Variants in CPT1C observed in about 807,000 individuals in gnomAD.
CPT1C encodes the protein palmitoyl thioesterase CPT1C.
In CPT1C, 61 loss-of-function variants were observed where a neutral mutation model predicts 97.3. The observed-to-expected ratio is 0.63, with a 90% confidence interval of 0.51 to 0.78. The LOEUF is 0.78. Ranked by LOEUF, CPT1C falls within the 30% of genes least tolerant of loss-of-function variation. CPT1C has a pLI of 0.00. For synonymous variants in CPT1C, 469 were observed against 447.2 expected, an observed-to-expected ratio of 1.05 and a Z score of -0.61; for missense variants, 975 against 1,065.5, an observed-to-expected ratio of 0.92 and a Z score of 1.18.
chr19:49,711,176 C>T (rs925031666), intron 16 of CPT1C: 3 of 183,342 alleles, frequency 1.6e-5, no homozygotes, highest in African/African-American at 7.1e-5. Flanking sequence ...TTACTGCAAC[C>T]TCTGCCTCTC....
intron 4 of CPT1C, among the ~76,000 whole-genome samples, chr19:49,700,173 G>A (rs2082920835): frequency 6.6e-6 from 1 of 151,676 alleles, no homozygotes; most frequent in Non-Finnish European, 1.5e-5. Flanking sequence ...CGTGAACCCA[G>A]GAGGCGGAGC....
Position 49,704,708 on chromosome 19 carries a change from A to G in CPT1C, c.694-2A>G. ...CTGTGTGTCTCCCCACCCCGCTCCC[A>G]GGTCAGTGACTGGTGGGAGGAATTT... On this transcript the variant is annotated splice_acceptor_variant, in intron 7 of 19. Transcript: ENST00000598293. LOFTEE classifies it high-confidence loss of function. The G allele has an allele frequency of 6.2e-7, 1 of 1,612,598 alleles. No individual in the cohort carries two copies. The highest frequency in any genetic ancestry group is 8.5e-7 in the Non-Finnish European group (1 of 1,179,452).
At position 49,713,071 on chromosome 19, in the gene CPT1C, C is replaced by T. The variant is rs767565077; in HGVS notation, c.2226+7C>T. 1.7e-5 allele frequency: 28 copies of T among 1,609,232 alleles called. No individual in the cohort carries two copies. Among genetic ancestry groups the T allele is most frequent in the Non-Finnish European group, 2.3e-5 (27 of 1,175,714 alleles). On this transcript the variant is annotated splice_region_variant and intron_variant, in intron 19 of 19. Transcript: ENST00000598293. ...AAAATCAAGCACAAAAACGGTGAGACAAACGTGTATACCCACCAACTCCCT... is the reference window on the plus strand; with the variant it reads ...AAAATCAAGCACAAAAACGGTGAGATAAACGTGTATACCCACCAACTCCCT...
chr19:49,712,730 C>T lies in CPT1C; in HGVS notation c.2020-6C>T. Reference sequence around the variant, plus strand: ...TCCTGCACATGTGATGGGCTCCTGTCCTCAGGTCCATTCGGAGCAGTGGCA... The same window carrying T: ...TCCTGCACATGTGATGGGCTCCTGTTCTCAGGTCCATTCGGAGCAGTGGCA... On this transcript the variant is annotated splice_polypyrimidine_tract_variant and splice_region_variant and intron_variant, in intron 17 of 19. Coordinates refer to ENST00000598293, the MANE Select transcript of CPT1C (RefSeq NM_001199753.2). The T allele has an allele frequency of 6.2e-7, 1 of 1,607,906 alleles. No homozygotes were observed. The highest frequency in any genetic ancestry group is 1.1e-5 in the South Asian group (1 of 90,954).
At chr19:49,712,653 C>A in intron 17 of CPT1C, 83 bp from the exon 18 acceptor site, 1 of 1,029,648 alleles carries the variant, frequency 9.7e-7, no homozygotes, top group Non-Finnish European at 1.5e-6. Context: ...AAAAAAAAAG[C>A]CAGGGATGCA....
chr19:49,692,385 C>G lies in CPT1C; in HGVS notation c.133C>G (p.Arg45Gly). 1 of 1,614,138 alleles carries G rather than the reference C, an allele frequency of 6.2e-7. No homozygotes were observed. The change falls in exon 3 of 20, where the codon CGT becomes GGT. Residue 45 changes from arginine to glycine, a missense_variant. By Grantham distance (125) the Arg-to-Gly change is moderately radical. This residue lies in a region of CPT1C where 596 missense variants were observed against 603.1 expected (regional missense o/e 0.99). Coordinates refer to ENST00000598293, the MANE Select transcript of CPT1C (RefSeq NM_001199753.2). ...GLRSWKRHLS[R>G]FWNDFLTGVF... The stretch of plus-strand genomic sequence containing the variant: ...GCGCTCCTGGAAAAGGCATCTCTCA[C>G]GTTTCTGGGTGAGGAGCGGTGCTGG...
chr19:49,701,331 C>A lies in CPT1C; in HGVS notation c.468C>A (p.Ile156=). 2 of 1,613,152 alleles carry A rather than the reference C, an allele frequency of 1.2e-6. No homozygotes were observed. Among genetic ancestry groups the A allele is most frequent in the Non-Finnish European group, 1.7e-6 (2 of 1,179,804 alleles). The change falls in exon 6 of 20, where the codon ATC becomes ATA. Residue 156 remains isoleucine, a synonymous_variant. Coordinates refer to ENST00000598293, the MANE Select transcript of CPT1C (RefSeq NM_001199753.2). ...PTKTWLALVR[I]FSGRHPMLFS... ...CTCCTCCCCAGGCCCTGGTCCGCATCTTCTCTGGCCGCCACCCGATGCTGT... is the reference window on the plus strand; with the variant it reads ...CTCCTCCCCAGGCCCTGGTCCGCATATTCTCTGGCCGCCACCCGATGCTGT...
At chr19:49,710,141 C>T (rs957009519) in intron 14 of CPT1C, among the ~76,000 whole-genome samples, 179 bp from the exon 15 acceptor site, 3 of 152,190 alleles carry the variant, frequency 2.0e-5, no homozygotes, top group Non-Finnish European at 2.9e-5. Flanking sequence ...CGCCACCACG[C>T]CCAGCCCCTA....
At position 49,705,299 on chromosome 19, in the gene CPT1C, G is replaced by T. The variant is rs1314376800; in HGVS notation, c.964+1G>T. The T allele has an allele frequency of 1.3e-6, 2 of 1,593,494 alleles. No individual in the cohort carries two copies. Among genetic ancestry groups the T allele is most frequent in the Non-Finnish European group, 8.6e-7 (1 of 1,165,386 alleles). On this transcript the variant is annotated splice_donor_variant, in intron 10 of 19. Coordinates refer to ENST00000598293, the MANE Select transcript of CPT1C (RefSeq NM_001199753.2). LOFTEE classifies it high-confidence loss of function. ...ACGCGGATTCCAGGGGTCCAAAAAGGTGAGACCCTCTCCTGTCCCCACTGA... is the reference window on the plus strand; with the variant it reads ...ACGCGGATTCCAGGGGTCCAAAAAGTTGAGACCCTCTCCTGTCCCCACTGA...
Position 49,713,500 on chromosome 19 carries a change from G to C in CPT1C, c.2307G>C (p.Lys769Asn). The change falls in exon 20 of 20, where the codon AAG becomes AAC. Residue 769 changes from lysine (K) to asparagine (N), a missense_variant. This residue lies in a region of CPT1C where 344 missense variants were observed against 395.7 expected (regional missense o/e 0.87). Transcript: ENST00000598293. ...TGTTCCAGGCGGGACAGCATTTTAAGCGCCGGTTCAGAGGGTCAGGGAAGG... is the reference window on the plus strand; with the variant it reads ...TGTTCCAGGCGGGACAGCATTTTAACCGCCGGTTCAGAGGGTCAGGGAAGG... ...ASLFQAGQHF[K>N]RRFRGSGKEN... The C allele has an allele frequency of 6.2e-7, 1 of 1,614,232 alleles. No homozygotes were observed. Among genetic ancestry groups the C allele is most frequent in the Non-Finnish European group, 8.5e-7 (1 of 1,180,048 alleles).
chr19:49,707,488 T>TTGG, intron 12 of CPT1C, 30 bp from the exon 13 acceptor site: 1 of 1,552,424 alleles, frequency 6.4e-7, no homozygotes, highest in Non-Finnish European at 8.9e-7. Flanking sequence ...CCCCTCGCTC[T>TTGG]TGGTGACCCA....
At position 49,706,835 on chromosome 19, in the gene CPT1C, A is replaced by T. The variant is rs1383807467; in HGVS notation, c.1343+422A>T. 6.6e-6 allele frequency among the ~76,000 whole-genome samples: 1 copy of T among 152,024 alleles called. No homozygotes were observed. The highest frequency in any genetic ancestry group is 1.5e-5 in the Non-Finnish European group (1 of 67,994). On this transcript the variant is annotated intron_variant, in intron 12 of 19. Coordinates refer to ENST00000598293, the MANE Select transcript of CPT1C (RefSeq NM_001199753.2). The surrounding 1 kb of genome is among the most constrained non-coding windows in gnomAD (Gnocchi z 4.8). ...CTCAGGCCTTAATGCAGGCACCCCAAATCCATGGCCCTAGACCCAGACTTC... is the reference window on the plus strand; with the variant it reads ...CTCAGGCCTTAATGCAGGCACCCCATATCCATGGCCCTAGACCCAGACTTC...
At chr19:49,707,699 G>A in intron 13 of CPT1C, 76 bp downstream of exon 13, 2 of 974,562 alleles carry the variant, frequency 2.1e-6, no homozygotes, top group Non-Finnish European at 3.1e-6. Context: ...GCGCCTTAGT[G>A]TCAGAAGAAA....
In CPT1C at chr19:49,707,634, C is replaced by T. The variant is rs761075495; in HGVS notation, c.1449+11C>T. The T allele has an allele frequency of 6.3e-7, 1 of 1,589,114 alleles. No homozygotes were observed. The highest frequency in any genetic ancestry group is 8.6e-7 in the Non-Finnish European group (1 of 1,162,202). ...GGACACATGTGGGAGGTAGGGCGGCCAGCCCTCCCTGGTTCTGGGGACCCC... is the reference window on the plus strand; with the variant it reads ...GGACACATGTGGGAGGTAGGGCGGCTAGCCCTCCCTGGTTCTGGGGACCCC... On this transcript the variant is annotated intron_variant, in intron 13 of 19. Transcript: ENST00000598293.
chr19:49,701,992 A>AAATATATTTAT (rs1568520679), intron 7 of CPT1C, among the ~76,000 whole-genome samples: 4 of 37,906 alleles, frequency 1.1e-4, no homozygotes, highest in African/African-American at 3.1e-4. Flanking sequence ...ATATATAAAT[A>AAATATATTTAT]TTATAAATAT....
intron 4 of CPT1C, among the ~76,000 whole-genome samples, chr19:49,698,488 C>A (rs957639804): frequency 4.7e-4 from 71 of 151,616 alleles, no homozygotes; most frequent in African/African-American, 1.6e-3. Context: ...CATAGTGAAA[C>A]CCCGTCTCTA....
intron 4 of CPT1C, 187 bp downstream of exon 4, chr19:49,697,652 C>A: frequency 1.6e-6 from 1 of 606,390 alleles, no homozygotes; most frequent in Non-Finnish European, 2.7e-6. Flanking sequence ...CCCCTGTAAT[C>A]CCAGCACATT....
Position 49,708,813 on chromosome 19 carries a change from C to T in CPT1C, c.1540C>T (p.Arg514Trp), listed in dbSNP as rs779171628. The part of the protein sequence containing the change: ...HPDPTLPQPQ[R>W]LQWDLPDQIH... ...GGACCCCACACTACCCCAGCCCCAGCGGCTGCAATGGGACCTTCCAGACCA... is the reference window on the plus strand; with the variant it reads ...GGACCCCACACTACCCCAGCCCCAGTGGCTGCAATGGGACCTTCCAGACCA... Residue 514 changes from arginine to tryptophan, a missense_variant, in exon 14 of 20, where the codon CGG (arginine) becomes TGG (tryptophan). By Grantham distance (101) the Arg-to-Trp change is moderately radical (BLOSUM62 -3). Transcript: ENST00000598293. 63 of 1,613,190 alleles carry T rather than the reference C, an allele frequency of 3.9e-5. No homozygotes were observed. Among genetic ancestry groups the T allele is most frequent in the South Asian group, 3.5e-4 (32 of 91,070 alleles).
At chr19:49,700,903 T>C in intron 5 of CPT1C, 48 bp downstream of exon 5, 1 of 1,586,014 alleles carries the variant, frequency 6.3e-7, no homozygotes. Context: ...GACCCGCTTA[T>C]CTATTCCCCT....
Sources: gnomAD v4.1 joint callset for allele counts (sites outside exome capture counted in the v4.1 genomes callset) on GRCh38, gnomAD v4.1.1 for gene constraint, gnomAD v4.1.1 regional missense constraint, Gnocchi (gnomAD v3.1) non-coding constraint, MANE v1.5 for transcripts, NCBI Gene and HGNC (gene_info 2026-07-23, HGNC 2026-07-21) for gene names.